The following RAB3C variants were observed in gnomAD, a reference collection of about 807,000 sequenced individuals.
RAB3C encodes RAB3C, member RAS oncogene family.
Under a neutral mutation model 26.4 loss-of-function variants are expected in RAB3C, and 17 were observed. The ratio of observed to expected loss-of-function variants is 0.64; its 90% CI spans 0.44 to 0.97. RAB3C has a LOEUF of 0.97. RAB3C is among the 50% of genes least tolerant of loss of function. The pLI is 0.00. For missense variants in RAB3C, 242 were observed against 281.9 expected (o/e 0.86, Z 1.01); for synonymous variants, 91 against 95.9 (o/e 0.95, Z 0.30).
chr5:58,585,391 G>A (rs1238427213), intron 1 of RAB3C, among the ~76,000 whole-genome samples: 1 of 151,762 alleles, frequency 6.6e-6, no homozygotes, highest in Non-Finnish European at 1.5e-5. Context: ...ATAAATAATT[G>A]ACTTTTTTTT....
At chr5:58,730,174 A>G (rs1209166811) in intron 3 of RAB3C, among the ~76,000 whole-genome samples, 1 of 151,904 alleles carries the variant, frequency 6.6e-6, no homozygotes, top group African/African-American at 2.4e-5. Flanking sequence ...TTCCTACTAC[A>G]TTAGAAACTA....
chr5:58,695,564 A>G (rs939890522), intron 2 of RAB3C, among the ~76,000 whole-genome samples: 2 of 151,964 alleles, frequency 1.3e-5, no homozygotes, highest in Non-Finnish European at 2.9e-5. Flanking sequence ...AGCACAGAAT[A>G]TTCTTCCATT....
chr5:58,670,991 T>C (rs2111823536), intron 2 of RAB3C, among the ~76,000 whole-genome samples: 1 of 152,250 alleles, frequency 6.6e-6, no homozygotes, highest in South Asian at 2.1e-4. Flanking sequence ...ATAACTGGAT[T>C]CTTGTTTCTA....
At chr5:58,827,107 C>T (rs2662387) in intron 4 of RAB3C, among the ~76,000 whole-genome samples, 75,902 of 151,976 alleles carry the variant, frequency 0.5, 19,431 homozygotes, top group Middle Eastern at 0.68. Context: ...CCCACTCTAC[C>T]GATTAAACAA....
chr5:58,629,266 AT>A (rs984914246), intron 2 of RAB3C, among the ~76,000 whole-genome samples: 47 of 152,080 alleles, frequency 3.1e-4, no homozygotes, highest in African/African-American at 1.1e-3. Flanking sequence ...AATATCTGGG[AT>A]TCAGTGATGT....
chr5:58,599,500 C>G (rs576454267), intron 1 of RAB3C, among the ~76,000 whole-genome samples: 2 of 152,130 alleles, frequency 1.3e-5, no homozygotes, highest in Non-Finnish European at 2.9e-5. Context: ...GCTTACAATC[C>G]TCTCTCTGTG....
intron 2 of RAB3C, among the ~76,000 whole-genome samples, chr5:58,655,030 A>G (rs910070926): frequency 6.6e-6 from 1 of 152,226 alleles, no homozygotes; most frequent in African/African-American, 2.4e-5. Context: ...TATTTATGAT[A>G]GATATTATAC....
chr5:58,702,524 A>G (rs1748866696), intron 2 of RAB3C, among the ~76,000 whole-genome samples: 1 of 151,896 alleles, frequency 6.6e-6, no homozygotes, highest in Admixed American at 6.6e-5. Context: ...AGCCTCCCGT[A>G]TTGTCTCTGT....
At chr5:58,636,957 A>G (rs753850258) in intron 2 of RAB3C, among the ~76,000 whole-genome samples, 7 of 152,174 alleles carry the variant, frequency 4.6e-5, no homozygotes, top group Non-Finnish European at 1.0e-4. Flanking sequence ...TGAAAATTGG[A>G]AGCATGAATA....
At chr5:58,681,571 G>A (rs565855179) in intron 2 of RAB3C, among the ~76,000 whole-genome samples, 1 of 152,268 alleles carries the variant, frequency 6.6e-6, no homozygotes, top group East Asian at 1.9e-4. Context: ...GTTACCTGCA[G>A]GAATAAGTTT....
At chr5:58,803,597 A>G (rs543606469) in intron 3 of RAB3C, among the ~76,000 whole-genome samples, 1 of 152,182 alleles carries the variant, frequency 6.6e-6, no homozygotes, top group East Asian at 1.9e-4. Context: ...ATCATCCGGG[A>G]CTTTGTTAGT....
intron 2 of RAB3C, among the ~76,000 whole-genome samples, chr5:58,633,977 C>CAAA (rs532775769): frequency 7.2e-6 from 1 of 138,790 alleles, no homozygotes; most frequent in African/African-American, 2.6e-5. Flanking sequence ...CTAAAAAATA[C>CAAA]AAAAAAAAAA....
chr5:58,658,855 C>T (rs907413823), intron 2 of RAB3C, among the ~76,000 whole-genome samples: 6 of 152,032 alleles, frequency 3.9e-5, no homozygotes, highest in Non-Finnish European at 8.8e-5. Context: ...GAAGATTTGC[C>T]AAAATTTTGA....
intron 3 of RAB3C, among the ~76,000 whole-genome samples, chr5:58,735,499 A>G (rs1041119676): frequency 6.6e-6 from 1 of 152,194 alleles, no homozygotes; most frequent in Non-Finnish European, 1.5e-5. Flanking sequence ...TTGTTGTAGC[A>G]AAATACCAGA....
At position 58,693,334 on chromosome 5, in the gene RAB3C, G is replaced by GTATA. The variant is rs1478527340; in HGVS notation, c.253-32667_253-32666insATAT. ...TAAAATTAAGAAATTATATATATATGTGTATATATATATATATATATATAT... is the reference window on the plus strand; with the variant it reads ...TAAAATTAAGAAATTATATATATATGTATATGTATATATATATATATATATATAT... On this transcript the variant is annotated intron_variant, in intron 2 of 4. Coordinates refer to ENST00000282878, the MANE Select transcript of RAB3C (RefSeq NM_138453.4). Among the ~76,000 whole-genome samples the GTATA allele has an allele frequency of 7.5e-3, 631 of 83,800 alleles. 22 individuals are homozygous for GTATA. The highest frequency in any genetic ancestry group is 0.028 in the African/African-American group (592 of 21,478). The allele number at this position is 83,800 out of a possible 152,430, so 55.0% of individuals were successfully genotyped here.
intron 3 of RAB3C, among the ~76,000 whole-genome samples, chr5:58,810,481 T>C (rs897761811): frequency 2.2e-4 from 33 of 152,100 alleles, no homozygotes; most frequent in Non-Finnish European, 7.4e-5. Context: ...AATATGATCT[T>C]CTCAAGAAGC....
intron 3 of RAB3C, among the ~76,000 whole-genome samples, chr5:58,809,539 A>G (rs1446590197): frequency 6.6e-6 from 1 of 152,188 alleles, no homozygotes; most frequent in Non-Finnish European, 1.5e-5. Context: ...TTTCCCTCTT[A>G]CTGGCCTTGA....
intron 3 of RAB3C, among the ~76,000 whole-genome samples, chr5:58,810,053 G>A (rs78525087): frequency 0.053 from 8,013 of 152,234 alleles, 286 homozygotes; most frequent in East Asian, 0.11. Flanking sequence ...CCCACAGGCT[G>A]GGGCAGCCAC....
intron 1 of RAB3C, among the ~76,000 whole-genome samples, chr5:58,613,715 T>A (rs1035099302): frequency 3.3e-5 from 5 of 152,140 alleles, no homozygotes; most frequent in Non-Finnish European, 5.9e-5. Flanking sequence ...TACTTTGGAC[T>A]AAGTAGGTAA....
Sources: gnomAD v4.1 joint callset for allele counts (sites outside exome capture counted in the v4.1 genomes callset) on GRCh38, gnomAD v4.1.1 for gene constraint, MANE v1.5 for transcripts, NCBI Gene and HGNC (gene_info 2026-07-23, HGNC 2026-07-21) for gene names.